Variants in MAPK10 observed in about 807,000 individuals in gnomAD.
MAPK10 encodes mitogen-activated protein kinase 10, also known as JNK3 alpha protein kinase.
MAPK10 carries 25 observed loss-of-function variants against 59.3 expected under a neutral mutation model. The observed-to-expected ratio is 0.42, with a 90% CI of 0.31 to 0.59. MAPK10 has a LOEUF of 0.59. Ranked by LOEUF, MAPK10 falls within the 20% of genes least tolerant of loss-of-function variation. The pLI, the probability that MAPK10 is intolerant of heterozygous loss-of-function variation, is 0.15. For synonymous variants in MAPK10, 190 were observed against 200.5 expected (o/e 0.95, Z 0.44); for missense variants, 351 against 568.9 (o/e 0.62, Z 3.90).
intron 11 of MAPK10, among the ~76,000 whole-genome samples, chr4:86,063,828 CT>C (rs1299787290): frequency 6.6e-6 from 1 of 152,026 alleles, no homozygotes; most frequent in Non-Finnish European, 1.5e-5. Context: ...TTTTAATCAT[CT>C]TATAAAAGCT....
intron 1 of MAPK10, chr4:86,384,269 C>G (rs535189790): frequency 6.6e-6 from 1 of 152,228 alleles, no homozygotes; most frequent in African/African-American, 2.4e-5. Flanking sequence ...TATAAGTTTT[C>G]AGGCACAAAA....
At chr4:86,326,566 T>C (rs971442970) in intron 2 of MAPK10, 1 of 152,206 alleles carries the variant, frequency 6.6e-6, no homozygotes, top group African/African-American at 2.4e-5. Context: ...TCTTACAGAC[T>C]GCTGAGTAAT....
At chr4:86,373,659 C>T (rs1001232176) in intron 1 of MAPK10, among the ~76,000 whole-genome samples, 1 of 152,204 alleles carries the variant, frequency 6.6e-6, no homozygotes, top group African/African-American at 2.4e-5. Flanking sequence ...AAAAAAAGTT[C>T]ATCATCACTA....
intron 1 of MAPK10, among the ~76,000 whole-genome samples, chr4:86,449,200 C>T (rs1263296883): frequency 6.6e-6 from 1 of 152,134 alleles, no homozygotes; most frequent in Non-Finnish European, 1.5e-5. Context: ...TGGTTTGTTC[C>T]TTGTTTTCCA....
chr4:86,505,573 T>G (rs1331042296), intron 1 of MAPK10, among the ~76,000 whole-genome samples: 2 of 152,110 alleles, frequency 1.3e-5, no homozygotes. Context: ...GGCAACAGAG[T>G]GAGACCCTGT....
At chr4:86,340,832 A>C (rs188970001) in intron 2 of MAPK10, among the ~76,000 whole-genome samples, 1 of 152,252 alleles carries the variant, frequency 6.6e-6, no homozygotes, top group Non-Finnish European at 1.5e-5. Context: ...TACTAGAATC[A>C]TAAAAGAACT....
At chr4:86,140,096 T>C (rs1193657365) in intron 4 of MAPK10, among the ~76,000 whole-genome samples, 2 of 124,030 alleles carry the variant, frequency 1.6e-5, no homozygotes, top group East Asian at 2.2e-4. Context: ...GACTGTAAAG[T>C]AGTTCAGCCA....
intron 3 of MAPK10, among the ~76,000 whole-genome samples, chr4:86,174,472 G>C (rs1293009256): frequency 2.0e-5 from 3 of 152,120 alleles, no homozygotes; most frequent in Non-Finnish European, 2.9e-5. Context: ...TGTCAGGGGG[G>C]TGGTGGAAGG....
chr4:86,121,423 C>G (rs1328983259), intron 4 of MAPK10, among the ~76,000 whole-genome samples: 7 of 152,090 alleles, frequency 4.6e-5, no homozygotes, highest in Non-Finnish European at 1.0e-4. Context: ...CCTAAGATGC[C>G]ACTTTCTAAC....
rs1206988664 is a variant in MAPK10, at chr4:86,229,606, A to G, written c.-6-35199T>C. 2.0e-5 allele frequency among the ~76,000 whole-genome samples: 3 copies of G among 152,180 alleles called. No individual in the cohort carries two copies. The East Asian group carries it at 5.8e-4, about 29-fold the overall frequency. On this transcript the variant is annotated intron_variant, in intron 2 of 13. Coordinates refer to ENST00000641462, the MANE Select transcript of MAPK10 (RefSeq NM_138982.4). ...AAATTAACATCCTTAATGGTTAACTAAAAATGCAGGAAAACAACTGGCTTT... is the reference window on the plus strand; with the variant it reads ...AAATTAACATCCTTAATGGTTAACTGAAAATGCAGGAAAACAACTGGCTTT...
chr4:86,440,390 T>C (rs1689782721), intron 1 of MAPK10, among the ~76,000 whole-genome samples: 1 of 152,140 alleles, frequency 6.6e-6, no homozygotes, highest in Non-Finnish European at 1.5e-5. Flanking sequence ...ATCCCAGCAC[T>C]TTGGGAGGAT....
In MAPK10 at chr4:86,556,317, C is replaced by T. The variant is rs138743164; in HGVS notation, c.-263+37593G>A. Among the ~76,000 whole-genome samples the T allele has an allele frequency of 1.5e-3, 222 of 152,278 alleles. 2 individuals carry two copies. Among genetic ancestry groups the T allele is most frequent in the African/African-American group, 5.1e-3 (210 of 41,550 alleles). ...AGAACTTTTATTCATATTCATCTCT[C>T]CTCCTTCACAGGTAAAACATTCTGA... On this transcript the variant is annotated intron_variant, in intron 1 of 4. Coordinates refer to the MAPK10 transcript ENST00000502302.
chr4:86,237,664 G>A lies in MAPK10; in HGVS notation c.-6-43257C>T, dbSNP rs149397726. 2.6e-3 allele frequency among the ~76,000 whole-genome samples: 401 copies of A among 152,204 alleles called. 2 individuals are homozygous for A. The highest frequency in any genetic ancestry group is 0.014 in the Middle Eastern group (4 of 294). ...CCACATAAATGTCTTCTTTTAAGAA[G>A]TATCTGTTCATATCTTTTGCCCACT... On this transcript the variant is annotated intron_variant, in intron 2 of 13. Coordinates refer to ENST00000641462, the MANE Select transcript of MAPK10 (RefSeq NM_138982.4).
chr4:86,486,132 T>C (rs1753973146), intron 1 of MAPK10, among the ~76,000 whole-genome samples: 1 of 152,266 alleles, frequency 6.6e-6, no homozygotes, highest in African/African-American at 2.4e-5. Flanking sequence ...TATTAAATAA[T>C]CACATGGAAA....
chr4:86,180,696 C>G (rs745646692), intron 3 of MAPK10, among the ~76,000 whole-genome samples: 77 of 152,004 alleles, frequency 5.1e-4, no homozygotes, highest in Non-Finnish European at 8.5e-4. Context: ...CTGTCATTCT[C>G]AGCACCATGA....
rs747207962 is a variant in MAPK10 at position 86,109,258 on chromosome 4, T to A, written c.237-1906A>T. Among the ~76,000 whole-genome samples the A allele has an allele frequency of 2.6e-5, 4 of 152,236 alleles. No homozygotes were observed. In the East Asian group the frequency reaches 5.8e-4, roughly 22 times the overall value. On this transcript the variant is annotated intron_variant, in intron 4 of 13. Transcript: ENST00000641462. ...ATTTTATTTAAAGTTCCTGGGTACATGTGCAGAATGTGCAGGTTTGTTACA... is the reference window on the plus strand; with the variant it reads ...ATTTTATTTAAAGTTCCTGGGTACAAGTGCAGAATGTGCAGGTTTGTTACA...
intron 1 of MAPK10, among the ~76,000 whole-genome samples, chr4:86,359,286 CTCTGTGTGTG>C (rs1736142413): frequency 8.5e-6 from 1 of 118,108 alleles, no homozygotes; most frequent in African/African-American, 3.7e-5. Context: ...CTCTCTCTCT[CTCTGTGTGTG>C]TGTGTGTGTG....
At chr4:86,019,791 G>A (rs1282071753) in intron 13 of MAPK10, among the ~76,000 whole-genome samples, 1 of 152,168 alleles carries the variant, frequency 6.6e-6, no homozygotes, top group Non-Finnish European at 1.5e-5. Context: ...TGTGAGCCTA[G>A]CAGAGGGAAA....
At chr4:86,101,301 T>A (rs998545184) in intron 7 of MAPK10, 84 bp from the exon 8 acceptor site, 9 of 1,024,734 alleles carry the variant, frequency 8.8e-6, no homozygotes, top group Admixed American at 2.0e-5. Flanking sequence ...ATAGCCATTT[T>A]GCAGTAGCAC....
Sources: gnomAD v4.1 joint callset for allele counts (sites outside exome capture counted in the v4.1 genomes callset) on GRCh38, gnomAD v4.1.1 for gene constraint, MANE v1.5 for transcripts, NCBI Gene and HGNC (gene_info 2026-07-23, HGNC 2026-07-21) for gene names.